Variants in MTCL3 observed in about 807,000 individuals in gnomAD.
The protein encoded by MTCL3 is microtubule cross-linking factor 3.
chr6:127,510,079 T>A, the MTCL3 span, among the ~76,000 whole-genome samples: 2 of 152,278 alleles, frequency 1.3e-5, no homozygotes, highest in Non-Finnish European at 2.9e-5. Context: ...TGTTTTTTTT[T>A]ATTTCTGTTC....
chr6:127,476,514 G>A, the MTCL3 span: 1 of 1,454,134 alleles, frequency 6.9e-7, no homozygotes, highest in Admixed American at 2.3e-5. This position sits in a 1 kb window ranked among gnomAD's most constrained non-coding sequence, Gnocchi z 4.4. Flanking sequence ...TCATTTTTAT[G>A]TAAATCAAGG....
At chr6:127,488,065 C>T in the MTCL3 span, among the ~76,000 whole-genome samples, 1 of 152,068 alleles carries the variant, frequency 6.6e-6, no homozygotes, top group South Asian at 2.1e-4. Context: ...AACCTCATCT[C>T]CCACCACACT....
chr6:127,515,072 C>G, the MTCL3 span: 1 of 1,601,796 alleles, frequency 6.2e-7, no homozygotes, highest in Middle Eastern at 1.7e-4. The surrounding 1 kb of genome is among the most constrained non-coding windows in gnomAD (Gnocchi z 4.3). Flanking sequence ...GGCCGCGTGT[C>G]AAAATCAAAC....
the MTCL3 span, chr6:127,475,987 T>C: frequency 5.0e-6 from 8 of 1,610,912 alleles, no homozygotes; most frequent in Non-Finnish European, 8.5e-7. The surrounding 1 kb of genome is among the most constrained non-coding windows in gnomAD (Gnocchi z 7.3). Flanking sequence ...CTTGTACTTG[T>C]ACTTGTTGAG....
chr6:127,478,848 C>T, the MTCL3 span, among the ~76,000 whole-genome samples: 1,963 of 151,982 alleles, frequency 0.013, 57 homozygotes, highest in African/African-American at 0.045. Flanking sequence ...GAAACCCCAT[C>T]TCTATTAAAA....
the MTCL3 span, among the ~76,000 whole-genome samples, chr6:127,487,029 T>G: frequency 2.0e-5 from 3 of 152,202 alleles, no homozygotes; most frequent in African/African-American, 7.2e-5. Flanking sequence ...ATTTAGATCT[T>G]TTGAGCCCTA....
the MTCL3 span, among the ~76,000 whole-genome samples, chr6:127,482,072 A>C: frequency 7.9e-5 from 12 of 152,334 alleles, no homozygotes; most frequent in Non-Finnish European, 1.5e-4. The surrounding 1 kb of genome is among the most constrained non-coding windows in gnomAD (Gnocchi z 4.1). Context: ...CTTGTTTAGC[A>C]TATCAAGAAA....
chr6:127,516,258 C>G, the MTCL3 span: 1 of 1,468,558 alleles, frequency 6.8e-7, no homozygotes, highest in Admixed American at 2.5e-5. Flanking sequence ...CAGCCACAGG[C>G]TGGACAGCTC....
the MTCL3 span, among the ~76,000 whole-genome samples, chr6:127,509,879 C>A: frequency 2.9e-4 from 44 of 152,326 alleles, no homozygotes; most frequent in African/African-American, 1.1e-3. Flanking sequence ...AAAATCTTAT[C>A]TGAATGAAAC....
At chr6:127,496,618 A>C in the MTCL3 span, among the ~76,000 whole-genome samples, 121 of 152,354 alleles carry the variant, frequency 7.9e-4, no homozygotes, top group Admixed American at 2.4e-3. Context: ...GGACTTTCAC[A>C]GTAATATTCC....
the MTCL3 span, among the ~76,000 whole-genome samples, chr6:127,495,576 T>C: frequency 6.6e-6 from 1 of 152,198 alleles, no homozygotes; most frequent in Non-Finnish European, 1.5e-5. Flanking sequence ...GAATGTGCCA[T>C]TACAAGATGG....
At chr6:127,476,150 C>A in the MTCL3 span, 7 of 1,614,182 alleles carry the variant, frequency 4.3e-6, no homozygotes, top group Non-Finnish European at 5.9e-6. This position sits in a 1 kb window ranked among gnomAD's most constrained non-coding sequence, Gnocchi z 4.4. Context: ...CCGTTGAAGT[C>A]ATCGCCCCTA....
At chr6:127,488,142 C>T in the MTCL3 span, among the ~76,000 whole-genome samples, 1 of 152,090 alleles carries the variant, frequency 6.6e-6, no homozygotes, top group Non-Finnish European at 1.5e-5. Flanking sequence ...CCAAGTATGC[C>T]CTTGTTTGGG....
At chr6:127,498,826 A>G in the MTCL3 span, among the ~76,000 whole-genome samples, 1 of 152,186 alleles carries the variant, frequency 6.6e-6, no homozygotes, top group East Asian at 1.9e-4. Flanking sequence ...ACAAAAGGTT[A>G]CATATTTTAT....
chr6:127,495,231 C>T, the MTCL3 span, among the ~76,000 whole-genome samples: 1 of 151,856 alleles, frequency 6.6e-6, no homozygotes, highest in African/African-American at 2.4e-5. Context: ...TATCTTAGAT[C>T]CACAGTAAAG....
the MTCL3 span, among the ~76,000 whole-genome samples, chr6:127,484,877 A>G: frequency 6.6e-6 from 1 of 152,326 alleles, no homozygotes; most frequent in South Asian, 2.1e-4. Flanking sequence ...TAAAGTTTAC[A>G]GGGGTAACAG....
At chr6:127,492,688 T>C in the MTCL3 span, among the ~76,000 whole-genome samples, 9 of 151,920 alleles carry the variant, frequency 5.9e-5, no homozygotes, top group African/African-American at 2.2e-4. Context: ...ACCCGGCTAA[T>C]TTTTTGTATT....
the MTCL3 span, chr6:127,475,645 G>A: frequency 1.9e-6 from 3 of 1,595,666 alleles, no homozygotes; most frequent in Non-Finnish European, 2.6e-6. This position sits in a 1 kb window ranked among gnomAD's most constrained non-coding sequence, Gnocchi z 7.3. Context: ...GGAGCGAGTG[G>A]GCGTGAGGCA....
chr6:127,500,556 A>C, the MTCL3 span, among the ~76,000 whole-genome samples: 1 of 152,156 alleles, frequency 6.6e-6, no homozygotes, highest in Non-Finnish European at 1.5e-5. Context: ...TCAGTTGTAC[A>C]TATGCAGGTT....
Sources: gnomAD v4.1 joint callset for allele counts (sites outside exome capture counted in the v4.1 genomes callset) on GRCh38, gnomAD v4.1.1 for gene constraint, Gnocchi (gnomAD v3.1) non-coding constraint, MANE v1.5 for transcripts, NCBI Gene and HGNC (gene_info 2026-07-23, HGNC 2026-07-21) for gene names.